Variants in RABGGTB observed in about 807,000 individuals in gnomAD.
RABGGTB encodes Rab geranylgeranyltransferase subunit beta.
Under a neutral mutation model 44.5 loss-of-function variants are expected in RABGGTB, and 20 were observed. The observed-to-expected ratio is 0.45, with a 90% CI of 0.32 to 0.65. RABGGTB has a LOEUF of 0.65. Ranked by LOEUF, RABGGTB falls within the 30% of genes least tolerant of loss-of-function variation. The pLI is 0.05. For synonymous variants in RABGGTB, 128 were observed against 136.7 expected (o/e 0.94, Z 0.44); for missense variants, 302 against 398.7 (o/e 0.76, Z 2.06).
In RABGGTB at chr1:75,791,598, T is replaced by G. The variant is rs749062681; in HGVS notation, c.579+27T>G. 3 of 1,548,972 alleles carry G rather than the reference T, an allele frequency of 1.9e-6. No homozygotes were observed. In the African/African-American group the frequency reaches 4.1e-5, roughly 21 times the overall value. ...TAATTTATGAATACAGATGAAAATGTATTGTCATTTTGGAAGCCAGTGTAG... is the reference window on the plus strand; with the variant it reads ...TAATTTATGAATACAGATGAAAATGGATTGTCATTTTGGAAGCCAGTGTAG... On this transcript the variant is annotated intron_variant, in intron 6 of 8. Transcript: ENST00000319942.
At position 75,786,261 on chromosome 1, in the gene RABGGTB, C is replaced by T. The variant is rs757820365; in HGVS notation, c.-11C>T. The T allele has an allele frequency of 1.2e-6, 2 of 1,614,202 alleles. No individual in the cohort carries two copies. Among genetic ancestry groups the T allele is most frequent in the South Asian group, 2.2e-5 (2 of 91,090 alleles). On this transcript the variant is annotated 5_prime_UTR_variant, in exon 1 of 9. Transcript: ENST00000319942. ...AGGAACTGACCCTGCTCTCTCCTTT[C>T]CCTGTTAGACATGGTAAGTGTGAGT...
At chr1:75,790,673 G>C (rs947859356) in intron 4 of RABGGTB, among the ~76,000 whole-genome samples, 1 of 152,138 alleles carries the variant, frequency 6.6e-6, no homozygotes, top group African/African-American at 2.4e-5. Context: ...CCAGGTTGGA[G>C]TGCAGTATTT....
chr1:75,794,187 G>C lies in RABGGTB; in HGVS notation c.809G>C (p.Cys270Ser). ...AAACTGCGTAATTTCATTTTAGCAT[G>C]TCAAGATGAAGAAACGGGGGGATTT... is the stretch of plus-strand genomic sequence containing the variant. ...REKLRNFILA[C>S]QDEETGGFAD... Residue 270 changes from cysteine to serine, a missense_variant, in exon 8 of 9, where the codon TGT (cysteine) becomes TCT (serine). By Grantham distance (112) the Cys-to-Ser change is moderately radical (BLOSUM62 -1). Coordinates refer to ENST00000319942, the MANE Select transcript of RABGGTB (RefSeq NM_004582.4). 1 of 1,613,738 alleles carries C rather than the reference G, an allele frequency of 6.2e-7. No homozygotes were observed. Among genetic ancestry groups the C allele is most frequent in the South Asian group, 1.1e-5 (1 of 91,042 alleles).
In RABGGTB at chr1:75,792,175, T is replaced by C; in HGVS notation, c.580-6T>C. The C allele has an allele frequency of 6.3e-7, 1 of 1,598,100 alleles. No homozygotes were observed. The highest frequency in any genetic ancestry group is 8.6e-7 in the Non-Finnish European group (1 of 1,165,686). ...ATACACATAAACTTTATGTCTGTAA[T>C]TTTAGATCTATTGTTGCACAGGATT... On this transcript the variant is annotated splice_region_variant and splice_polypyrimidine_tract_variant and intron_variant, in intron 6 of 8. Transcript: ENST00000319942.
intron 7 of RABGGTB, chr1:75,793,827 G>T (rs1225737235): frequency 1.9e-5 from 7 of 359,872 alleles, no homozygotes; most frequent in Non-Finnish European, 3.5e-5. Flanking sequence ...ATGCTTATCA[G>T]TGAGTACTGA....
In RABGGTB at chr1:75,790,063, G is replaced by A; in HGVS notation, c.415+6G>A. On this transcript the variant is annotated splice_donor_region_variant and intron_variant, in intron 4 of 8. Transcript: ENST00000319942. Reference sequence around the variant, plus strand: ...TTTTGCTGGAGATATTTGGGGTAATGTCAGATTTAGTCCATTCTACCCAAA... The same window carrying A: ...TTTTGCTGGAGATATTTGGGGTAATATCAGATTTAGTCCATTCTACCCAAA... 6.2e-7 allele frequency: 1 copy of A among 1,611,226 alleles called. No individual in the cohort carries two copies. The highest frequency in any genetic ancestry group is 8.5e-7 in the Non-Finnish European group (1 of 1,177,888).
At position 75,791,210 on chromosome 1, in the gene RABGGTB, G is replaced by C. The variant is rs1422145843; in HGVS notation, c.416-75G>C. 7 of 1,219,590 alleles carry C rather than the reference G, an allele frequency of 5.7e-6. No individual in the cohort carries two copies. In the East Asian group the frequency reaches 1.4e-4, roughly 24 times the overall value. 75.5% of individuals were successfully genotyped at this position (1,219,590 alleles called of 1,614,324 possible). A position where few individuals can be genotyped will look rare whatever the true frequency, so the allele number is the denominator to read the frequency against. ...TTGAACTCAATTTAAAGTGGTAGTT[G>C]TGCAGTGTTTGTTTTTAGATGACTC... On this transcript the variant is annotated intron_variant, in intron 4 of 8. Transcript: ENST00000319942.
At position 75,794,958 on chromosome 1, in the gene RABGGTB, T is replaced by C. The variant is rs1414340137; in HGVS notation, c.*308T>C. On this transcript the variant is annotated 3_prime_UTR_variant, in exon 9 of 9. Coordinates refer to ENST00000319942, the MANE Select transcript of RABGGTB (RefSeq NM_004582.4). ...CTTGATTTTTCCCCCATGTATACCT[T>C]TCATCTGTTCTATAGCAAGTTGATG... 2 of 200,710 alleles carry C rather than the reference T, an allele frequency of 1.0e-5. No homozygotes were observed. The highest frequency in any genetic ancestry group is 2.1e-3 in the Middle Eastern group (1 of 474). 12.4% of individuals were successfully genotyped at this position (200,710 alleles called of 1,614,324 possible).
intron 6 of RABGGTB, 89 bp from the exon 7 acceptor site, chr1:75,792,087 TTAAGA>T: frequency 8.9e-7 from 1 of 1,125,760 alleles, no homozygotes; most frequent in Non-Finnish European, 1.3e-6. Flanking sequence ...GAAGAAAAAC[TTAAGA>T]TATAAAGTGG....
chr1:75,786,250 C>T (rs1244343288), upstream of RABGGTB: 12 of 1,614,138 alleles, frequency 7.4e-6, no homozygotes, highest in African/African-American at 1.3e-5. Flanking sequence ...ACTGACCCTG[C>T]TCTCTCCTTT....
At chr1:75,794,268 T>A (rs1191394902) in intron 8 of RABGGTB, 35 bp downstream of exon 8, 1 of 1,569,360 alleles carries the variant, frequency 6.4e-7, no homozygotes, top group East Asian at 2.3e-5. Context: ...CTATAAATTA[T>A]TTCAGCGTTT....
At chr1:75,787,292 A>T (rs1192508114) in intron 1 of RABGGTB, 16 of 616,312 alleles carry the variant, frequency 2.6e-5, no homozygotes, top group Non-Finnish European at 4.3e-5. Flanking sequence ...CAGTGACACA[A>T]CCTCAGTTCA....
At chr1:75,786,230 C>G, upstream of RABGGTB, 1 of 1,613,748 alleles carries the variant, frequency 6.2e-7, no homozygotes, top group Non-Finnish European at 8.5e-7. Flanking sequence ...GCTCCTAAGT[C>G]TACCCAGGAA....
chr1:75,787,308 G>A, intron 1 of RABGGTB, 189 bp from the exon 2 acceptor site: 1 of 617,634 alleles, frequency 1.6e-6, no homozygotes, highest in South Asian at 1.9e-5. Flanking sequence ...GTTCACTGCA[G>A]CCTTAATTTC....
intron 6 of RABGGTB, 144 bp from the exon 7 acceptor site, chr1:75,792,037 T>A: frequency 1.5e-6 from 1 of 657,072 alleles, no homozygotes; most frequent in Non-Finnish European, 2.5e-6. Context: ...TTCAGATATG[T>A]GGTATTAATA....
At chr1:75,786,297 T>A (rs757801329) in intron 1 of RABGGTB, 23 bp downstream of exon 1, 1 of 1,614,184 alleles carries the variant, frequency 6.2e-7, no homozygotes, top group Admixed American at 1.7e-5. Context: ...TTAGCGCTGC[T>A]GTCCGGATGG....
Position 75,787,803 on chromosome 1 carries a change from A to T in RABGGTB, c.111+199A>T, listed in dbSNP as rs991445068. 4.4e-6 allele frequency: 3 copies of T among 682,026 alleles called. No individual in the cohort carries two copies. The African/African-American group carries it at 5.3e-5, about 12-fold the overall frequency. 42.2% of individuals were successfully genotyped at this position (682,026 alleles called of 1,614,324 possible). Reference sequence around the variant, plus strand: ...TATTAGAATCTCAGTTTTTACCTATACTGAGAGGGCTTGCCAGACAAAGTA... The same window carrying T: ...TATTAGAATCTCAGTTTTTACCTATTCTGAGAGGGCTTGCCAGACAAAGTA... On this transcript the variant is annotated intron_variant, in intron 2 of 8. Transcript: ENST00000319942.
Position 75,789,369 on chromosome 1 carries a change from C to G in RABGGTB, c.309+13C>G, listed in dbSNP as rs567746161. On this transcript the variant is annotated intron_variant, in intron 3 of 8. Coordinates refer to ENST00000319942, the MANE Select transcript of RABGGTB (RefSeq NM_004582.4). ...TAGTGCTGTCCAGGTAAATACTAAT[C>G]AAAATTGCAACGATCTTGATAGTAT... is the stretch of plus-strand genomic sequence containing the variant. The G allele has an allele frequency of 2.5e-6, 4 of 1,603,604 alleles. No individual in the cohort carries two copies. In the East Asian group the frequency reaches 6.7e-5, roughly 27 times the overall value.
At chr1:75,790,454 A>C (rs979424660) in intron 4 of RABGGTB, 2 of 1,072,164 alleles carry the variant, frequency 1.9e-6, no homozygotes, top group African/African-American at 3.3e-5. Flanking sequence ...AGGGATGAAC[A>C]CAGTGCAGGC....
Sources: gnomAD v4.1 joint callset for allele counts (sites outside exome capture counted in the v4.1 genomes callset) on GRCh38, gnomAD v4.1.1 for gene constraint, MANE v1.5 for transcripts, NCBI Gene and HGNC (gene_info 2026-07-23, HGNC 2026-07-21) for gene names.